The following SLC24A2 variants were observed in gnomAD, a reference collection of about 807,000 sequenced individuals.
SLC24A2 encodes solute carrier family 24 member 2.
Under a neutral mutation model 62.0 loss-of-function variants are expected in SLC24A2, and 36 were observed. The ratio of observed to expected loss-of-function variants is 0.58; its 90% CI spans 0.44 to 0.77. SLC24A2 has a LOEUF of 0.77. Ranked by LOEUF, SLC24A2 falls within the 30% of genes least tolerant of loss-of-function variation. SLC24A2 has a pLI of 0.00. For missense variants in SLC24A2, 846 were observed against 817.9 expected, an observed-to-expected ratio of 1.03 and a Z score of -0.42; for synonymous variants, 358 against 294.0, an observed-to-expected ratio of 1.22 and a Z score of -2.23.
At chr9:20,051,655 C>CTATTTT in the SLC24A2 span, among the ~76,000 whole-genome samples, 1 of 46,082 alleles carries the variant, frequency 2.2e-5, no homozygotes, top group Non-Finnish European at 3.8e-5. Flanking sequence ...TTTTTTCTTT[C>CTATTTT]TCTTTTTTTT....
chr9:19,516,131 G>C lies in SLC24A2; in HGVS notation c.*22C>G. 3.1e-6 allele frequency: 5 copies of C among 1,613,918 alleles called. No homozygotes were observed. Among genetic ancestry groups the C allele is most frequent in the Non-Finnish European group, 4.2e-6 (5 of 1,179,914 alleles). Reference sequence around the variant, plus strand: ...TGTGGAGGGACCATTCATGCTGCTGGTGCAAGATATGGCTTTTCCTGCTAG... The same window carrying C: ...TGTGGAGGGACCATTCATGCTGCTGCTGCAAGATATGGCTTTTCCTGCTAG... On this transcript the variant is annotated 3_prime_UTR_variant, in exon 11 of 11. Coordinates refer to ENST00000341998, the MANE Select transcript of SLC24A2 (RefSeq NM_020344.4).
At chr9:19,877,714 A>G in the SLC24A2 span, among the ~76,000 whole-genome samples, 1 of 151,916 alleles carries the variant, frequency 6.6e-6, no homozygotes. Context: ...AGAGACAGGA[A>G]CCTGGAGGAA....
chr9:20,256,742 T>C, the SLC24A2 span, among the ~76,000 whole-genome samples: 1 of 152,264 alleles, frequency 6.6e-6, no homozygotes, highest in East Asian at 1.9e-4. Context: ...CTGGAGATGA[T>C]TCATCTACCA....
the SLC24A2 span, among the ~76,000 whole-genome samples, chr9:20,035,918 C>G: frequency 6.6e-6 from 1 of 152,086 alleles, no homozygotes; most frequent in East Asian, 1.9e-4. Context: ...TATTCTTTGC[C>G]TGAAATGGCT....
the SLC24A2 span, among the ~76,000 whole-genome samples, chr9:20,107,605 C>T: frequency 7.2e-5 from 11 of 152,204 alleles, no homozygotes; most frequent in East Asian, 1.9e-4. Flanking sequence ...AAGGATTCCC[C>T]ATTTCATAAA....
chr9:20,005,654 G>T, the SLC24A2 span, among the ~76,000 whole-genome samples: 1 of 151,858 alleles, frequency 6.6e-6, no homozygotes, highest in Non-Finnish European at 1.5e-5. Flanking sequence ...GTGGGACAGG[G>T]TATTTCTTAA....
the SLC24A2 span, among the ~76,000 whole-genome samples, chr9:19,960,549 T>C: frequency 6.6e-6 from 1 of 152,222 alleles, no homozygotes; most frequent in Non-Finnish European, 1.5e-5. Flanking sequence ...TTCTTTGAAC[T>C]TCAGTTTCTC....
chr9:19,688,071 G>A (rs1452542187), intron 2 of SLC24A2, among the ~76,000 whole-genome samples: 1 of 152,048 alleles, frequency 6.6e-6, no homozygotes, highest in Non-Finnish European at 1.5e-5. Context: ...TCAGTGATGG[G>A]TGAAATGATT....
At chr9:20,015,230 C>G in the SLC24A2 span, among the ~76,000 whole-genome samples, 11 of 152,076 alleles carry the variant, frequency 7.2e-5, no homozygotes, top group Non-Finnish European at 1.5e-4. Context: ...GTCAGAGCAT[C>G]AGAAAGGAAA....
the SLC24A2 span, among the ~76,000 whole-genome samples, chr9:19,859,891 T>A: frequency 6.6e-6 from 1 of 152,058 alleles, no homozygotes; most frequent in South Asian, 2.1e-4. Context: ...ATAAGGAGGG[T>A]GCATTTAAAC....
the SLC24A2 span, among the ~76,000 whole-genome samples, chr9:20,109,253 C>G: frequency 6.6e-6 from 1 of 152,166 alleles, no homozygotes; most frequent in Non-Finnish European, 1.5e-5. Flanking sequence ...TATGTAACCT[C>G]AAATCTAATG....
the SLC24A2 span, among the ~76,000 whole-genome samples, chr9:20,273,356 A>G: frequency 3.9e-5 from 6 of 152,196 alleles, no homozygotes; most frequent in East Asian, 1.2e-3. Flanking sequence ...AGACACAGAG[A>G]TGCCAAGAAG....
At chr9:19,964,095 C>T in the SLC24A2 span, among the ~76,000 whole-genome samples, 1 of 151,610 alleles carries the variant, frequency 6.6e-6, no homozygotes, top group African/African-American at 2.4e-5. Flanking sequence ...TGGAAATCAT[C>T]ATACTCAGTA....
the SLC24A2 span, among the ~76,000 whole-genome samples, chr9:19,802,987 C>G: frequency 1.3e-5 from 2 of 152,112 alleles, no homozygotes; most frequent in Non-Finnish European, 2.9e-5. Flanking sequence ...CGTGAGGATG[C>G]AGAAAGAAGT....
chr9:19,516,615 T>C (rs1832942737), intron 10 of SLC24A2, among the ~76,000 whole-genome samples: 1 of 152,186 alleles, frequency 6.6e-6, no homozygotes, highest in Admixed American at 6.5e-5. Flanking sequence ...CCTGACTGAA[T>C]TCAGAACAGG....
At chr9:19,717,303 A>G (rs1751221160) in intron 2 of SLC24A2, among the ~76,000 whole-genome samples, 1 of 152,244 alleles carries the variant, frequency 6.6e-6, no homozygotes, top group Non-Finnish European at 1.5e-5. Flanking sequence ...GTTAGATCAC[A>G]AAGAGAGATA....
chr9:19,894,715 A>T, the SLC24A2 span, among the ~76,000 whole-genome samples: 2 of 152,322 alleles, frequency 1.3e-5, no homozygotes, highest in Middle Eastern at 6.8e-3. Context: ...AGAAAAAGAA[A>T]AAATGGGACA....
chr9:20,193,711 C>CA, the SLC24A2 span, among the ~76,000 whole-genome samples: 4 of 151,870 alleles, frequency 2.6e-5, no homozygotes, highest in African/African-American at 4.8e-5. Flanking sequence ...GAGAGACATA[C>CA]AAAAAATAAC....
At chr9:19,807,171 C>T in the SLC24A2 span, among the ~76,000 whole-genome samples, 1 of 152,206 alleles carries the variant, frequency 6.6e-6, no homozygotes, top group Non-Finnish European at 1.5e-5. Context: ...TCCTGCTGAT[C>T]TGACTCTTGA....
Sources: gnomAD v4.1 joint callset for allele counts (sites outside exome capture counted in the v4.1 genomes callset) on GRCh38, gnomAD v4.1.1 for gene constraint, MANE v1.5 for transcripts, NCBI Gene and HGNC (gene_info 2026-07-23, HGNC 2026-07-21) for gene names.